Variants in DIP2B observed in about 807,000 individuals in gnomAD.
DIP2B encodes the protein DIP2 acetate--CoA ligase B (putative), also known as disco-interacting protein 2 homolog B.
A neutral mutation model predicts 198.0 loss-of-function variants in DIP2B; 76 were observed. That is an observed-to-expected ratio of 0.38 (90% CI 0.32 to 0.46). DIP2B has a LOEUF of 0.46. Ranked by LOEUF, DIP2B falls within the 20% of genes least tolerant of loss-of-function variation. DIP2B has a pLI of 0.99. For missense variants in DIP2B, 1,559 were observed against 1,978.4 expected (o/e 0.79, Z 4.02); for synonymous variants, 701 against 739.1 (o/e 0.95, Z 0.84).
intron 1 of DIP2B, among the ~76,000 whole-genome samples, chr12:50,566,864 C>T (rs534621175): frequency 1.7e-4 from 25 of 149,006 alleles, no homozygotes; most frequent in Non-Finnish European, 2.7e-4. Flanking sequence ...CCCAGCTACT[C>T]GGGAGGCTGA....
At chr12:50,594,680 A>C in intron 1 of DIP2B, among the ~76,000 whole-genome samples, 1 of 152,222 alleles carries the variant, frequency 6.6e-6, no homozygotes, top group Non-Finnish European at 1.5e-5. Context: ...TTGAGAGTTC[A>C]ACATTAATTG....
rs143164072 is a variant in DIP2B at position 50,732,470 on chromosome 12, C to T, written c.3915C>T (p.Ile1305=). The part of the protein sequence containing the change: ...QQSFSKLFKD[I]GLSPRAVSTT... ...CCTTCTCTAAGCTCTTCAAAGACAT[C>T]GGGCTGTCCCCGCGGGCTGTCAGCA... The change falls in exon 32 of 38, where the codon ATC becomes ATT. Residue 1305 remains isoleucine, a synonymous_variant. Transcript: ENST00000301180. 2.5e-5 allele frequency: 41 copies of T among 1,614,094 alleles called. No homozygotes were observed. The African/African-American group carries it at 3.1e-4, about 12-fold the overall frequency.
rs1010107361 is a variant in DIP2B, at chr12:50,745,899, A to G, written c.*1060A>G. On this transcript the variant is annotated 3_prime_UTR_variant, in exon 38 of 38. Transcript: ENST00000301180. Reference sequence around the variant, plus strand: ...TTATCCATATAACTTCTCTTCTGAAAACTGAGGAGTGTCCTCTGTTCTTCC... The same window carrying G: ...TTATCCATATAACTTCTCTTCTGAAGACTGAGGAGTGTCCTCTGTTCTTCC... The G allele has an allele frequency of 6.6e-6, 1 of 152,214 alleles. No individual in the cohort carries two copies. Among genetic ancestry groups the G allele is most frequent in the African/African-American group, 2.4e-5 (1 of 41,452 alleles). The allele number at this position is 152,214 out of a possible 1,614,324, so 9.4% of individuals were successfully genotyped here.
At chr12:50,699,980 T>A (rs1939389821) in intron 19 of DIP2B, among the ~76,000 whole-genome samples, 1 of 152,074 alleles carries the variant, frequency 6.6e-6, no homozygotes, top group South Asian at 2.1e-4. Context: ...TCAAATTTAA[T>A]TTCGAGAGTA....
chr12:50,553,290 ATGT>A (rs1222022488), intron 1 of DIP2B, among the ~76,000 whole-genome samples: 2 of 152,062 alleles, frequency 1.3e-5, no homozygotes, highest in African/African-American at 2.4e-5. Flanking sequence ...TAAAATTGTC[ATGT>A]TGTTTTGTGT....
chr12:50,636,546 T>A (rs1593675445), intron 2 of DIP2B, among the ~76,000 whole-genome samples: 2 of 152,298 alleles, frequency 1.3e-5, no homozygotes, highest in Admixed American at 1.3e-4. Flanking sequence ...ATATAGGCAG[T>A]GCAAAAGGAG....
intron 10 of DIP2B, among the ~76,000 whole-genome samples, 172 bp downstream of exon 10, chr12:50,683,420 A>G (rs1488382073): frequency 4.6e-5 from 7 of 152,256 alleles, no homozygotes; most frequent in Non-Finnish European, 7.3e-5. Context: ...AATATTCACA[A>G]GTTTTATGCA....
intron 2 of DIP2B, among the ~76,000 whole-genome samples, chr12:50,637,369 T>C (rs1317433566): frequency 6.6e-6 from 1 of 152,232 alleles, no homozygotes; most frequent in Non-Finnish European, 1.5e-5. Context: ...ACCCTTTTGC[T>C]GTATCTTTAG....
intron 29 of DIP2B, 65 bp downstream of exon 29, chr12:50,727,877 CTA>C (rs1386213142): frequency 2.8e-6 from 4 of 1,408,698 alleles, no homozygotes; most frequent in Non-Finnish European, 4.0e-6. Flanking sequence ...GCCCCAGAAA[CTA>C]TAGATGCAGA....
At chr12:50,651,019 G>C (rs915376442) in intron 3 of DIP2B, among the ~76,000 whole-genome samples, 2 of 152,140 alleles carry the variant, frequency 1.3e-5, no homozygotes, top group African/African-American at 4.8e-5. Flanking sequence ...ATGTAAGTAA[G>C]GTATGGCCGT....
chr12:50,507,823 ACC>A (rs1481082097), intron 1 of DIP2B, among the ~76,000 whole-genome samples: 4 of 152,190 alleles, frequency 2.6e-5, no homozygotes, highest in Non-Finnish European at 5.9e-5. Flanking sequence ...GGCGTGAGCC[ACC>A]GCTAAAGATG....
chr12:50,660,295 C>T lies in DIP2B; in HGVS notation c.403C>T (p.Pro135Ser). The change falls in exon 4 of 38, where the codon CCT becomes TCT. Residue 135 changes from proline (P) to serine (S), a missense_variant. Pro to Ser is a moderately conservative substitution (Grantham distance 74, BLOSUM62 -1). Transcript: ENST00000301180. ...AAGGCGATCCACATTTGTTCAGTCT[C>T]CTGCAGATGCCTGCACACCTCCTGG... is the stretch of plus-strand genomic sequence containing the variant. Reference protein sequence around the residue: ...TKRRSTFVQSPADACTPPDTS... With the variant: ...TKRRSTFVQSSADACTPPDTS... The T allele has an allele frequency of 6.2e-7, 1 of 1,610,858 alleles. No individual in the cohort carries two copies.
intron 9 of DIP2B, among the ~76,000 whole-genome samples, 174 bp from the exon 10 acceptor site, chr12:50,682,964 A>G (rs1939069891): frequency 6.6e-6 from 1 of 152,332 alleles, no homozygotes; most frequent in South Asian, 2.1e-4. Flanking sequence ...CATGTCGGAG[A>G]TCTTTTTAGA....
intron 2 of DIP2B, among the ~76,000 whole-genome samples, chr12:50,637,808 A>G (rs1018336593): frequency 2.0e-5 from 3 of 152,190 alleles, no homozygotes; most frequent in Admixed American, 2.0e-4. Context: ...AAAAGATAAC[A>G]TGTGGAGGCT....
In DIP2B at chr12:50,570,975, C is replaced by T. The variant is rs568863709; in HGVS notation, c.101-55001C>T. ...ATGTAGCAAAATTACTATGACCCAGCTGTTGTCCACAAGGAGCTTATAGTC... is the reference window on the plus strand; with the variant it reads ...ATGTAGCAAAATTACTATGACCCAGTTGTTGTCCACAAGGAGCTTATAGTC... On this transcript the variant is annotated intron_variant, in intron 1 of 37. Coordinates refer to ENST00000301180, the MANE Select transcript of DIP2B (RefSeq NM_173602.3). Among the ~76,000 whole-genome samples, 63 of 152,198 alleles carry T rather than the reference C, an allele frequency of 4.1e-4. 1 individual carries two copies. The South Asian group carries it at 0.013, about 31-fold the overall frequency.
Position 50,741,507 on chromosome 12 carries a change from G to A in DIP2B, c.4446G>A (p.Ser1482=), listed in dbSNP as rs148971990. The A allele has an allele frequency of 2.4e-5, 38 of 1,614,030 alleles. No homozygotes were observed. The highest frequency in any genetic ancestry group is 4.4e-5 in the South Asian group (4 of 91,082). ...ACCACCCAATTGATATTGAGACCTCGGTGTCCCGGATCCACAGAAGCATTG... is the reference window on the plus strand; with the variant it reads ...ACCACCCAATTGATATTGAGACCTCAGTGTCCCGGATCCACAGAAGCATTG... ...LRYHPIDIET[S]VSRIHRSIAE... The change falls in exon 37 of 38, where the codon TCG becomes TCA. Residue 1482 remains serine (S), a synonymous_variant. Transcript: ENST00000301180.
intron 37 of DIP2B, 83 bp from the exon 38 acceptor site, chr12:50,744,504 A>G: frequency 6.4e-7 from 1 of 1,567,208 alleles, no homozygotes; most frequent in Non-Finnish European, 8.7e-7. Context: ...AAGGCGGGGA[A>G]ATGGGCTAAG....
chr12:50,545,256 G>A (rs1220322163), intron 1 of DIP2B, among the ~76,000 whole-genome samples: 4 of 152,028 alleles, frequency 2.6e-5, no homozygotes, highest in East Asian at 1.9e-4. Context: ...TTTTGGCAAC[G>A]TATGAGAGTT....
At chr12:50,515,350 C>T (rs1375344082) in intron 1 of DIP2B, among the ~76,000 whole-genome samples, 1 of 152,044 alleles carries the variant, frequency 6.6e-6, no homozygotes, top group East Asian at 1.9e-4. Context: ...TCTGCCTCAG[C>T]CTCCCAAGTA....
Sources: gnomAD v4.1 joint callset for allele counts (sites outside exome capture counted in the v4.1 genomes callset) on GRCh38, gnomAD v4.1.1 for gene constraint, MANE v1.5 for transcripts, NCBI Gene and HGNC (gene_info 2026-07-23, HGNC 2026-07-21) for gene names.